Variants in SHROOM3 observed in about 807,000 individuals in gnomAD.
The protein encoded by SHROOM3 is protein Shroom3.
SHROOM3 carries 47 observed loss-of-function variants against 138.6 expected under a neutral mutation model. The observed-to-expected ratio is 0.34, with a 90% CI of 0.27 to 0.43. The LOEUF is 0.43. Ranked by LOEUF, SHROOM3 falls within the 20% of genes least tolerant of loss-of-function variation. The pLI, the probability that SHROOM3 is intolerant of heterozygous loss-of-function variation, is 1.00. For missense variants in SHROOM3, 2,491 were observed against 2,596.5 expected, an observed-to-expected ratio of 0.96 and a Z score of 0.88; for synonymous variants, 1,062 against 1,063.3, an observed-to-expected ratio of 1.00 and a Z score of 0.02.
intron 1 of SHROOM3, among the ~76,000 whole-genome samples, chr4:76,444,189 G>A (rs1046019435): frequency 6.6e-6 from 1 of 151,972 alleles, no homozygotes; most frequent in African/African-American, 2.4e-5. Context: ...TGCTGAGATT[G>A]CAGGAGTGAT....
At chr4:76,620,066 A>G (rs1172036962) in intron 2 of SHROOM3, among the ~76,000 whole-genome samples, 3 of 129,354 alleles carry the variant, frequency 2.3e-5, no homozygotes, top group Admixed American at 8.2e-5. Flanking sequence ...ACAGGAATCT[A>G]TCTCAAAAAA....
intron 2 of SHROOM3, among the ~76,000 whole-genome samples, chr4:76,689,356 G>GAGCGCCGAGCC (rs202186900): frequency 0.092 from 13,763 of 149,418 alleles, 920 homozygotes; most frequent in East Asian, 0.26. Context: ...GGTGGCGAGC[G>GAGCGCCGAGCC]AGCGCCGAGC....
chr4:76,526,203 C>T (rs1732685618), intron 1 of SHROOM3, among the ~76,000 whole-genome samples: 1 of 152,052 alleles, frequency 6.6e-6, no homozygotes, highest in African/African-American at 2.4e-5. Context: ...CCCATCTCTA[C>T]TAAAAATACA....
chr4:76,704,231 A>G (rs1719984412), intron 2 of SHROOM3, among the ~76,000 whole-genome samples: 1 of 152,214 alleles, frequency 6.6e-6, no homozygotes, highest in Admixed American at 6.5e-5. Context: ...GCAAATATGC[A>G]TTGTGTGCCT....
chr4:76,492,964 T>G (rs771039821), intron 1 of SHROOM3, among the ~76,000 whole-genome samples: 10 of 152,134 alleles, frequency 6.6e-5, no homozygotes, highest in Non-Finnish European at 1.0e-4. Flanking sequence ...CTCACGTCTA[T>G]AATCCTAGCA....
At chr4:76,640,861 T>C (rs1432518699) in intron 2 of SHROOM3, among the ~76,000 whole-genome samples, 1 of 152,186 alleles carries the variant, frequency 6.6e-6, no homozygotes, top group African/African-American at 2.4e-5. Flanking sequence ...TGGAACCACC[T>C]AGAGTTGCCT....
Position 76,665,892 on chromosome 4 carries a change from C to T in SHROOM3, c.324-44264C>T, listed in dbSNP as rs752486063. Among the ~76,000 whole-genome samples the T allele has an allele frequency of 3.3e-5, 5 of 152,330 alleles. No homozygotes were observed. In the South Asian group the frequency reaches 6.2e-4, roughly 19 times the overall value. ...CATCAGGCGTGACATCCTGACCCCACGCCATACCTTCATTCCCTGATAAGC... is the reference window on the plus strand; with the variant it reads ...CATCAGGCGTGACATCCTGACCCCATGCCATACCTTCATTCCCTGATAAGC... On this transcript the variant is annotated intron_variant, in intron 2 of 10. Transcript: ENST00000296043.
Position 76,548,056 on chromosome 4 carries a change from C to T in SHROOM3, c.169-7553C>T, listed in dbSNP as rs1489293090. Among the ~76,000 whole-genome samples the T allele has an allele frequency of 2.7e-5, 4 of 148,598 alleles. No individual in the cohort carries two copies. The South Asian group carries it at 8.6e-4, about 32-fold the overall frequency. ...TTTTAAAGCGGTAGCTAGGAAAGGC[C>T]CCCTCTGGAAGACGAATTTGTGTAA... On this transcript the variant is annotated intron_variant, in intron 1 of 10. Transcript: ENST00000296043.
At chr4:76,447,682 G>A (rs1730842502) in intron 1 of SHROOM3, among the ~76,000 whole-genome samples, 1 of 152,112 alleles carries the variant, frequency 6.6e-6, no homozygotes, top group Admixed American at 6.6e-5. Flanking sequence ...GTGAGTAGCA[G>A]GGCAAAAACA....
chr4:76,497,302 C>G (rs550344871), intron 1 of SHROOM3, among the ~76,000 whole-genome samples: 1 of 152,306 alleles, frequency 6.6e-6, no homozygotes, highest in Admixed American at 6.5e-5. Context: ...CCTAGAGAAA[C>G]TATTTTTCCT....
intron 1 of SHROOM3, among the ~76,000 whole-genome samples, chr4:76,446,943 T>C (rs1488632560): frequency 6.6e-6 from 1 of 152,230 alleles, no homozygotes; most frequent in Non-Finnish European, 1.5e-5. Flanking sequence ...CTGTCTGCTC[T>C]GGTTTCATGA....
intron 2 of SHROOM3, among the ~76,000 whole-genome samples, chr4:76,657,338 A>T (rs1006708930): frequency 1.3e-5 from 2 of 152,212 alleles, no homozygotes; most frequent in Non-Finnish European, 2.9e-5. Flanking sequence ...TTTCTAAAAT[A>T]ATTTTGAACA....
chr4:76,738,273 TA>T (rs1332631869), intron 4 of SHROOM3, among the ~76,000 whole-genome samples: 1 of 152,170 alleles, frequency 6.6e-6, no homozygotes, highest in Non-Finnish European at 1.5e-5. Context: ...TTCAATTCCA[TA>T]AAAAGGAAAG....
intron 2 of SHROOM3, among the ~76,000 whole-genome samples, chr4:76,640,013 T>G (rs1735619156): frequency 6.6e-6 from 1 of 152,176 alleles, no homozygotes; most frequent in Admixed American, 6.5e-5. Context: ...GCTATTTTCC[T>G]TTCTGAATGG....
intron 8 of SHROOM3, among the ~76,000 whole-genome samples, chr4:76,758,856 T>C (rs953419947): frequency 4.6e-5 from 7 of 152,320 alleles, no homozygotes; most frequent in Middle Eastern, 6.8e-3. Context: ...ATATGAATTA[T>C]AGGCTGAAAG....
intron 4 of SHROOM3, 131 bp from the exon 5 acceptor site, chr4:76,738,630 G>T (rs1721151546): frequency 9.7e-7 from 1 of 1,026,202 alleles, no homozygotes. Flanking sequence ...GCCCAAATAT[G>T]GCCCTTTTTA....
At chr4:76,513,843 G>T (rs936083368) in intron 1 of SHROOM3, among the ~76,000 whole-genome samples, 2 of 152,048 alleles carry the variant, frequency 1.3e-5, no homozygotes, top group Non-Finnish European at 2.9e-5. Context: ...TTCTTATCCG[G>T]GTCAGACATT....
chr4:76,725,110 GT>G (rs568854572), intron 3 of SHROOM3, among the ~76,000 whole-genome samples: 3 of 150,900 alleles, frequency 2.0e-5, no homozygotes, highest in Non-Finnish European at 1.5e-5. Flanking sequence ...TCGTGTTTTT[GT>G]TTTTTTCAGG....
chr4:76,550,435 G>A (rs1733325616), intron 1 of SHROOM3, among the ~76,000 whole-genome samples: 1 of 152,174 alleles, frequency 6.6e-6, no homozygotes, highest in Non-Finnish European at 1.5e-5. Flanking sequence ...ATTAAGAGGA[G>A]AGGATGAAAT....
Sources: gnomAD v4.1 joint callset for allele counts (sites outside exome capture counted in the v4.1 genomes callset) on GRCh38, gnomAD v4.1.1 for gene constraint, MANE v1.5 for transcripts, NCBI Gene and HGNC (gene_info 2026-07-23, HGNC 2026-07-21) for gene names.